CACNA1C: variants seen among roughly 807,000 people sequenced by gnomAD.
The protein encoded by CACNA1C is voltage-dependent L-type calcium channel subunit alpha-1C.
CACNA1C carries 30 observed loss-of-function variants against 229.0 expected under a neutral mutation model. The ratio of observed to expected loss-of-function variants is 0.13; its 90% CI spans 0.10 to 0.18. CACNA1C has a LOEUF of 0.18. Among genes scored for constraint, CACNA1C ranks in the 10% least tolerant of loss-of-function variants. The pLI is 1.00. For synonymous variants in CACNA1C, 1,114 were observed against 1,132.5 expected, an observed-to-expected ratio of 0.98 and a Z score of 0.33; for missense variants, 1,658 against 2,845.0, an observed-to-expected ratio of 0.58 and a Z score of 9.49.
chr12:1,972,279 G>C (rs114977937), intron 1 of CACNA1C, among the ~76,000 whole-genome samples: 236 of 152,330 alleles, frequency 1.5e-3, no homozygotes, highest in African/African-American at 5.3e-3. Context: ...TATTTTCAAT[G>C]TAAGGATGGA....
chr12:2,103,905 C>G (rs1454931060), intron 1 of CACNA1C, among the ~76,000 whole-genome samples: 1 of 152,164 alleles, frequency 6.6e-6, no homozygotes, highest in Non-Finnish European at 1.5e-5. Flanking sequence ...GGCATTATTT[C>G]TGAGGGCCTC....
chr12:2,333,294 G>A (rs1390573663), intron 3 of CACNA1C, among the ~76,000 whole-genome samples: 2 of 152,180 alleles, frequency 1.3e-5, no homozygotes, highest in Non-Finnish European at 2.9e-5. Flanking sequence ...AATTCCAGGT[G>A]AGATTGGGAG....
intron 3 of CACNA1C, among the ~76,000 whole-genome samples, chr12:2,349,569 C>T (rs2097147689): frequency 6.6e-6 from 1 of 152,128 alleles, no homozygotes; most frequent in Non-Finnish European, 1.5e-5. Context: ...CTCCTCCCCT[C>T]TGGAATTTTA....
intron 1 of CACNA1C, among the ~76,000 whole-genome samples, chr12:2,031,939 C>T (rs2048292495): frequency 6.6e-6 from 1 of 152,196 alleles, no homozygotes; most frequent in South Asian, 2.1e-4. Flanking sequence ...ATTATTTCCC[C>T]ACCCTGGAGA....
intron 3 of CACNA1C, among the ~76,000 whole-genome samples, chr12:2,328,934 G>C (rs1480699271): frequency 6.6e-6 from 1 of 152,194 alleles, no homozygotes; most frequent in Non-Finnish European, 1.5e-5. Flanking sequence ...AGTGGAATTT[G>C]TCTGTGTAAT....
intron 3 of CACNA1C, among the ~76,000 whole-genome samples, chr12:2,161,026 TAGCC>T (rs778369072): frequency 3.9e-5 from 6 of 152,220 alleles, no homozygotes; most frequent in African/African-American, 1.4e-4. Flanking sequence ...TTCACCATGT[TAGCC>T]AGACTGGTCT....
intron 3 of CACNA1C, among the ~76,000 whole-genome samples, chr12:2,264,967 G>A (rs2081791417): frequency 6.6e-6 from 1 of 152,156 alleles, no homozygotes; most frequent in South Asian, 2.1e-4. Flanking sequence ...CCTTCCCGTT[G>A]TCTGAGCTGC....
rs1006590191 is a variant in CACNA1C, at chr12:2,633,542, A to G, written c.3829-755A>G. The G allele has an allele frequency of 3.6e-6, 3 of 828,306 alleles. No homozygotes were observed. The highest frequency in any genetic ancestry group is 3.7e-5 in the Admixed American group (2 of 54,186). The allele number at this position is 828,306 out of a possible 1,614,324, so 51.3% of individuals were successfully genotyped here. A position where few individuals can be genotyped will look rare whatever the true frequency, so the allele number is the denominator to read the frequency against. ...CCAGAGGCAACACGGAGGTGCCTGG[A>G]CGATGATTCTGATGGTGGTGTTGCT... On this transcript the variant is annotated intron_variant, in intron 29 of 46. Coordinates refer to ENST00000399655, the MANE Select transcript of CACNA1C (RefSeq NM_000719.7). The surrounding 1 kb of genome is among the most constrained non-coding windows in gnomAD (Gnocchi z 5.8).
At chr12:2,555,410 A>G (rs974059512) in intron 10 of CACNA1C, among the ~76,000 whole-genome samples, 7 of 152,238 alleles carry the variant, frequency 4.6e-5, no homozygotes, top group African/African-American at 1.7e-4. Flanking sequence ...GCTGAAGTCC[A>G]TGGTCACCCA....
At chr12:2,370,015 G>A (rs2097820195) in intron 3 of CACNA1C, among the ~76,000 whole-genome samples, 1 of 152,144 alleles carries the variant, frequency 6.6e-6, no homozygotes, top group South Asian at 2.1e-4. Flanking sequence ...GGAGATCTTA[G>A]AAATCAATTA....
intron 1 of CACNA1C, among the ~76,000 whole-genome samples, chr12:2,082,093 G>C (rs1013502061): frequency 6.6e-6 from 1 of 152,176 alleles, no homozygotes; most frequent in African/African-American, 2.4e-5. Flanking sequence ...CACAGCAATA[G>C]TCTGTGTTCC....
intron 3 of CACNA1C, among the ~76,000 whole-genome samples, chr12:2,326,392 A>AT (rs2154504623): frequency 6.6e-6 from 1 of 152,332 alleles, no homozygotes; most frequent in South Asian, 2.1e-4. Context: ...AGGAATATGC[A>AT]TTTTAACCAG....
chr12:2,535,796 A>G (rs1599218234), intron 9 of CACNA1C, among the ~76,000 whole-genome samples: 1 of 151,882 alleles, frequency 6.6e-6, no homozygotes, highest in Non-Finnish European at 1.5e-5. Flanking sequence ...GCCCCAGGGC[A>G]AGAAAGAGGA....
At chr12:2,065,462 C>T (rs574262487) in intron 1 of CACNA1C, among the ~76,000 whole-genome samples, 21 of 152,284 alleles carry the variant, frequency 1.4e-4, no homozygotes, top group African/African-American at 4.8e-4. Flanking sequence ...AGTTATTGAG[C>T]GTCTGCTATC....
At chr12:2,495,660 G>A (rs116272198) in intron 7 of CACNA1C, among the ~76,000 whole-genome samples, 1 of 152,298 alleles carries the variant, frequency 6.6e-6, no homozygotes, top group African/African-American at 2.4e-5. Context: ...TTCTCCCCTG[G>A]GGAGCGTGTG....
intron 1 of CACNA1C, among the ~76,000 whole-genome samples, chr12:2,100,069 C>T (rs974736248): frequency 1.3e-5 from 2 of 152,176 alleles, no homozygotes; most frequent in African/African-American, 4.8e-5. Flanking sequence ...GGCTGTACTG[C>T]CTCTCAGCAC....
At chr12:2,411,075 T>A (rs1290871786) in intron 3 of CACNA1C, among the ~76,000 whole-genome samples, 3 of 152,078 alleles carry the variant, frequency 2.0e-5, no homozygotes, top group Admixed American at 6.6e-5. Flanking sequence ...AATCTCACCA[T>A]CATGATGTCC....
chr12:2,308,424 C>T (rs1011283124), intron 3 of CACNA1C, among the ~76,000 whole-genome samples: 1 of 152,104 alleles, frequency 6.6e-6, no homozygotes, highest in African/African-American at 2.4e-5. Context: ...TTCTCAGCAC[C>T]ATTTATTGAT....
intron 3 of CACNA1C, among the ~76,000 whole-genome samples, chr12:2,399,539 C>T (rs1322780330): frequency 6.6e-6 from 1 of 152,218 alleles, no homozygotes. Context: ...CGGCTGAACT[C>T]CTCTCTGACC....
Sources: allele counts gnomAD v4.1 joint callset (sites outside exome capture counted in the v4.1 genomes callset), GRCh38; gene constraint gnomAD v4.1.1; non-coding constraint Gnocchi (gnomAD v3.1); transcripts MANE v1.5; gene names NCBI Gene and HGNC (gene_info 2026-07-23, HGNC 2026-07-21).